LRGUK: variants seen among roughly 807,000 people sequenced by gnomAD.
LRGUK encodes leucine rich repeats and guanylate kinase domain containing.
Under a neutral mutation model 76.0 loss-of-function variants are expected in LRGUK, and 65 were observed. The observed-to-expected ratio is 0.85, with a 90% CI of 0.70 to 1.05. The LOEUF is 1.05. LRGUK is among the 50% of genes least tolerant of loss of function. The probability of loss-of-function intolerance (pLI) is 0.00; values close to 1 mark genes in which losing one functional copy is unlikely to be tolerated. For missense variants in LRGUK, 758 were observed against 732.8 expected (o/e 1.03, Z -0.40); for synonymous variants, 268 against 265.6 (o/e 1.01, Z -0.09).
At chr7:134,191,989 G>A (rs1286771281) in intron 12 of LRGUK, among the ~76,000 whole-genome samples, 6 of 151,750 alleles carry the variant, frequency 4.0e-5, no homozygotes, top group African/African-American at 1.5e-4. Context: ...TGAATGAGTA[G>A]GCATTTTAAG....
At chr7:134,168,563 G>C (rs1799097379) in intron 7 of LRGUK, among the ~76,000 whole-genome samples, 2 of 152,156 alleles carry the variant, frequency 1.3e-5, no homozygotes, top group South Asian at 2.1e-4. Flanking sequence ...GGTGAATGGA[G>C]ATCACAGGAA....
At chr7:134,197,339 TG>T (rs776081834) in intron 13 of LRGUK, among the ~76,000 whole-genome samples, 1 of 152,120 alleles carries the variant, frequency 6.6e-6, no homozygotes, top group Non-Finnish European at 1.5e-5. Context: ...ATAATTACTA[TG>T]GGGGGCAAGA....
chr7:134,202,728 G>A (rs797013021), intron 15 of LRGUK, among the ~76,000 whole-genome samples: 2 of 152,292 alleles, frequency 1.3e-5, no homozygotes, highest in African/African-American at 4.8e-5. Flanking sequence ...CACTACATGA[G>A]GTATCTAGAG....
chr7:134,187,665 A>G (rs2117036986), intron 11 of LRGUK, among the ~76,000 whole-genome samples: 1 of 152,248 alleles, frequency 6.6e-6, no homozygotes, highest in Non-Finnish European at 1.5e-5. Context: ...GGAGATATAC[A>G]TTTACTTTCT....
intron 16 of LRGUK, among the ~76,000 whole-genome samples, chr7:134,224,994 G>A (rs1159747452): frequency 6.6e-6 from 1 of 151,842 alleles, no homozygotes; most frequent in Non-Finnish European, 1.5e-5. Flanking sequence ...AGAGGTTGCA[G>A]TGAGCGGAGA....
At chr7:134,144,783 A>G (rs933228570) in intron 4 of LRGUK, among the ~76,000 whole-genome samples, 3 of 151,948 alleles carry the variant, frequency 2.0e-5, no homozygotes, top group Non-Finnish European at 1.5e-5. Flanking sequence ...TTTCCCTTTG[A>G]AATTATAGTT....
chr7:134,240,135 A>G (rs1007243987), intron 16 of LRGUK, among the ~76,000 whole-genome samples: 4 of 152,242 alleles, frequency 2.6e-5, no homozygotes, highest in African/African-American at 9.6e-5. Flanking sequence ...TCTAAAAATC[A>G]GAGCACCTTT....
intron 11 of LRGUK, 32 bp downstream of exon 11, chr7:134,183,885 G>A (rs1245365140): frequency 3.7e-6 from 6 of 1,609,388 alleles, no homozygotes; most frequent in East Asian, 4.5e-5. Flanking sequence ...TTAAGACTTG[G>A]AAATTCATCC....
intron 10 of LRGUK, among the ~76,000 whole-genome samples, chr7:134,180,025 C>T (rs1192831434): frequency 6.6e-6 from 1 of 152,198 alleles, no homozygotes; most frequent in African/African-American, 2.4e-5. Context: ...ATTAAAATGA[C>T]ATGGCCAAAC....
chr7:134,177,892 G>T (rs1369086085), intron 9 of LRGUK, among the ~76,000 whole-genome samples: 1 of 152,162 alleles, frequency 6.6e-6, no homozygotes, highest in Non-Finnish European at 1.5e-5. Context: ...ATTAAGTAAA[G>T]ATATGGCATA....
At chr7:134,197,605 GAT>G (rs1381958712) in intron 13 of LRGUK, among the ~76,000 whole-genome samples, 1 of 152,148 alleles carries the variant, frequency 6.6e-6, no homozygotes, top group Non-Finnish European at 1.5e-5. Context: ...TTCTGCATGA[GAT>G]GTGTGGGCTG....
rs748305538 is a variant in LRGUK at position 134,132,450 on chromosome 7, G to C, written c.298-4573G>C. Among the ~76,000 whole-genome samples, 236 of 152,340 alleles carry C rather than the reference G, an allele frequency of 1.5e-3. 1 individual carries two copies. Among genetic ancestry groups the C allele is most frequent in the Admixed American group, 3.9e-3 (59 of 15,302 alleles). ...AAGTGCTCATTCATTTTGCCTGTTT[G>C]AGAGTCATTGGAGACATTGGCCCAC... On this transcript the variant is annotated intron_variant, in intron 1 of 15. Coordinates refer to ENST00000645682, the Ensembl canonical transcript of LRGUK.
intron 11 of LRGUK, among the ~76,000 whole-genome samples, chr7:134,191,021 C>T (rs1450867359): frequency 7.1e-5 from 6 of 84,498 alleles, no homozygotes; most frequent in Non-Finnish European, 1.2e-4. Context: ...TTCCATTCAG[C>T]ATTGGCACCA....
At chr7:134,148,752 C>T (rs1798951336) in intron 5 of LRGUK, among the ~76,000 whole-genome samples, 1 of 152,086 alleles carries the variant, frequency 6.6e-6, no homozygotes, top group Non-Finnish European at 1.5e-5. Context: ...TGGCGGAAAC[C>T]CTGCCTCTAC....
At chr7:134,240,395 A>C (rs1802115623) in intron 16 of LRGUK, among the ~76,000 whole-genome samples, 1 of 152,252 alleles carries the variant, frequency 6.6e-6, no homozygotes, top group Non-Finnish European at 1.5e-5. Flanking sequence ...CACAAGAACT[A>C]CATTATGCAT....
At chr7:134,183,617 G>A in intron 10 of LRGUK, 117 bp from the exon 11 acceptor site, 1 of 1,041,046 alleles carries the variant, frequency 9.6e-7, no homozygotes, top group South Asian at 1.8e-5. Flanking sequence ...ATTCTTCTAC[G>A]CAGGGTCTTA....
chr7:134,149,666 A>G (rs180887682), intron 5 of LRGUK, among the ~76,000 whole-genome samples: 53 of 152,298 alleles, frequency 3.5e-4, no homozygotes, highest in African/African-American at 1.2e-3. Flanking sequence ...AGTGACCAAT[A>G]TAACATGTTT....
intron 4 of LRGUK, among the ~76,000 whole-genome samples, chr7:134,146,260 G>A (rs1003256413): frequency 6.6e-6 from 1 of 151,702 alleles, no homozygotes; most frequent in African/African-American, 2.4e-5. Flanking sequence ...GCGACAGAGT[G>A]AGACTCCATC....
chr7:134,243,292 T>A (rs1802210378), intron 16 of LRGUK, among the ~76,000 whole-genome samples: 1 of 152,220 alleles, frequency 6.6e-6, no homozygotes, highest in Admixed American at 6.5e-5. Context: ...CATGATTTTA[T>A]ATTTAGAAAA....
Sources: allele counts gnomAD v4.1 joint callset (sites outside exome capture counted in the v4.1 genomes callset), GRCh38; gene constraint gnomAD v4.1.1; transcripts MANE v1.5; gene names NCBI Gene and HGNC (gene_info 2026-07-23, HGNC 2026-07-21).